Variants in TAFA1 observed in about 807,000 individuals in gnomAD.
The protein encoded by TAFA1 is TAFA chemokine like family member 1.
In TAFA1, 4 loss-of-function variants were observed where a neutral mutation model predicts 18.5. That is an observed-to-expected ratio of 0.22 (90% CI 0.11 to 0.49). TAFA1 has a LOEUF of 0.49. TAFA1 is among the 20% of genes least tolerant of loss of function. The pLI, the probability that TAFA1 is intolerant of heterozygous loss-of-function variation, is 0.98. For synonymous variants in TAFA1, 56 were observed against 55.2 expected, an observed-to-expected ratio of 1.01 and a Z score of -0.06; for missense variants, 147 against 169.0, an observed-to-expected ratio of 0.87 and a Z score of 0.72.
intron 2 of TAFA1, among the ~76,000 whole-genome samples, chr3:68,225,721 T>G (rs1206349872): frequency 2.0e-5 from 3 of 152,208 alleles, no homozygotes; most frequent in Non-Finnish European, 4.4e-5. Flanking sequence ...GGTATTTCAC[T>G]TCTCTAAGCT....
chr3:68,374,613 T>C (rs2069771956), intron 2 of TAFA1, among the ~76,000 whole-genome samples: 1 of 152,192 alleles, frequency 6.6e-6, no homozygotes, highest in South Asian at 2.1e-4. Flanking sequence ...AAAATGACTT[T>C]TAAAACTCCT....
intron 2 of TAFA1, among the ~76,000 whole-genome samples, chr3:68,280,718 C>T (rs575319379): frequency 3.9e-4 from 59 of 151,930 alleles, no homozygotes; most frequent in African/African-American, 1.3e-3. Flanking sequence ...ATTTGGGTCA[C>T]GGGACTTCAG....
intron 2 of TAFA1, among the ~76,000 whole-genome samples, chr3:68,060,449 A>G (rs1304127589): frequency 6.6e-6 from 1 of 152,158 alleles, no homozygotes; most frequent in East Asian, 1.9e-4. Flanking sequence ...ATTTTTAAAG[A>G]ACATTGTTTT....
At chr3:68,502,292 CT>C (rs1559696428) in intron 3 of TAFA1, among the ~76,000 whole-genome samples, 15 of 151,976 alleles carry the variant, frequency 9.9e-5, no homozygotes. Flanking sequence ...TATAATTACT[CT>C]TTTTATTGCT....
intron 2 of TAFA1, among the ~76,000 whole-genome samples, chr3:68,359,997 T>C (rs1269248977): frequency 1.3e-5 from 2 of 151,996 alleles, no homozygotes; most frequent in African/African-American, 4.8e-5. Flanking sequence ...GGGTTCACCA[T>C]TCTGTTACTG....
chr3:68,200,303 T>C (rs2066456351), intron 2 of TAFA1, among the ~76,000 whole-genome samples: 1 of 151,682 alleles, frequency 6.6e-6, no homozygotes, highest in Non-Finnish European at 1.5e-5. Context: ...TGTTTTCTTG[T>C]AATGTCTTTG....
chr3:68,454,526 C>T (rs2071622941), intron 3 of TAFA1, among the ~76,000 whole-genome samples: 1 of 152,156 alleles, frequency 6.6e-6, no homozygotes, highest in Non-Finnish European at 1.5e-5. Context: ...AATCCCTTAC[C>T]TCTATGCCTA....
At chr3:68,161,064 A>G (rs1024522656) in intron 2 of TAFA1, among the ~76,000 whole-genome samples, 3 of 152,332 alleles carry the variant, frequency 2.0e-5, no homozygotes, top group African/African-American at 7.2e-5. Context: ...GAAACTCTTC[A>G]TAACTATATT....
chr3:68,075,957 A>G (rs920503332), intron 2 of TAFA1, among the ~76,000 whole-genome samples: 1 of 152,182 alleles, frequency 6.6e-6, no homozygotes, highest in Non-Finnish European at 1.5e-5. Context: ...TCAGTCTCTC[A>G]AAGTGCTGGG....
intron 2 of TAFA1, among the ~76,000 whole-genome samples, chr3:68,150,393 AT>A (rs2106919857): frequency 6.6e-6 from 1 of 152,336 alleles, no homozygotes; most frequent in African/African-American, 2.4e-5. Context: ...CACCTCAGCC[AT>A]TGACTTAAAT....
At chr3:68,003,237 C>T (rs1704304106), upstream of TAFA1, among the ~76,000 whole-genome samples, 1 of 152,242 alleles carries the variant, frequency 6.6e-6, no homozygotes, top group Non-Finnish European at 1.5e-5. Context: ...AACTCTCTCA[C>T]TGTGTGTAAC....
chr3:68,399,991 T>C (rs1037912951), intron 2 of TAFA1, among the ~76,000 whole-genome samples: 8 of 152,126 alleles, frequency 5.3e-5, no homozygotes, highest in African/African-American at 1.9e-4. Flanking sequence ...CATTTTAAAG[T>C]TCAACAGAAA....
intron 2 of TAFA1, among the ~76,000 whole-genome samples, chr3:68,388,186 A>G (rs945801751): frequency 6.6e-6 from 1 of 152,232 alleles, no homozygotes; most frequent in Middle Eastern, 3.4e-3. Flanking sequence ...AAAAATAACA[A>G]TTTTTACCAG....
chr3:68,491,164 A>C (rs551098621), intron 3 of TAFA1, among the ~76,000 whole-genome samples: 14 of 152,248 alleles, frequency 9.2e-5, no homozygotes, highest in African/African-American at 3.1e-4. Flanking sequence ...AAGAGTAGAA[A>C]GGGATCCAGC....
chr3:68,060,846 G>A (rs1056880224), intron 2 of TAFA1, among the ~76,000 whole-genome samples: 13 of 152,166 alleles, frequency 8.5e-5, no homozygotes, highest in African/African-American at 3.1e-4. Flanking sequence ...GCTGGCTTTT[G>A]ATTGCTCTTG....
chr3:68,415,974 T>C (rs1238217864), intron 2 of TAFA1, among the ~76,000 whole-genome samples: 2 of 152,232 alleles, frequency 1.3e-5, no homozygotes, highest in African/African-American at 4.8e-5. Context: ...TATCGATCTT[T>C]TGAGCCAGAT....
intron 2 of TAFA1, among the ~76,000 whole-genome samples, chr3:68,341,978 A>C (rs2069093425): frequency 6.6e-6 from 1 of 152,306 alleles, no homozygotes; most frequent in African/African-American, 2.4e-5. Flanking sequence ...TGGTGGTTGA[A>C]TGAAGGCACG....
At chr3:68,542,779 TG>T (rs1559712837) in intron 4 of TAFA1, among the ~76,000 whole-genome samples, 1 of 152,154 alleles carries the variant, frequency 6.6e-6, no homozygotes, top group East Asian at 1.9e-4. Context: ...TACATTCTTT[TG>T]GTCTTTGACA....
intron 2 of TAFA1, among the ~76,000 whole-genome samples, chr3:68,404,883 T>C (rs2106758140): frequency 6.6e-6 from 1 of 152,266 alleles, no homozygotes; most frequent in East Asian, 1.9e-4. Flanking sequence ...GACGGGCATC[T>C]GGCCCTAAAG....
Sources: allele counts gnomAD v4.1 joint callset (sites outside exome capture counted in the v4.1 genomes callset), GRCh38; gene constraint gnomAD v4.1.1; transcripts MANE v1.5; gene names NCBI Gene and HGNC (gene_info 2026-07-23, HGNC 2026-07-21).